SP140: variants seen among roughly 807,000 people sequenced by gnomAD.
The protein encoded by SP140 is nuclear body protein SP140.
In SP140, 81 loss-of-function variants were observed where a neutral mutation model predicts 125.0. That is an observed-to-expected ratio of 0.65 (90% CI 0.54 to 0.78). The LOEUF is 0.78. SP140 is among the 30% of genes least tolerant of loss of function. SP140 has a pLI of 0.00. For missense variants in SP140, 858 were observed against 1,037.0 expected, an observed-to-expected ratio of 0.83 and a Z score of 2.37; for synonymous variants, 312 against 354.0, an observed-to-expected ratio of 0.88 and a Z score of 1.33.
At position 230,270,834 on chromosome 2, in the gene SP140, T is replaced by A. The variant is rs923816066; in HGVS notation, c.1498+195T>A. 8 of 640,870 alleles carry A rather than the reference T, an allele frequency of 1.2e-5. No homozygotes were observed. In the African/African-American group the frequency reaches 1.3e-4, roughly 10 times the overall value. 39.7% of individuals were successfully genotyped at this position (640,870 alleles called of 1,614,324 possible). ...CTATCTTACATGACAAAAGGGACTT[T>A]ACAGATACAATTAAGCTAGAGACCT... On this transcript the variant is annotated intron_variant, in intron 15 of 26. Coordinates refer to ENST00000392045, the MANE Select transcript of SP140 (RefSeq NM_007237.5).
At chr2:230,189,013 T>C in the SP140 span, among the ~76,000 whole-genome samples, 5 of 152,298 alleles carry the variant, frequency 3.3e-5, no homozygotes, top group East Asian at 9.6e-4. Context: ...ATAGTAGTCC[T>C]GAATGATCTT....
intron 12 of SP140, among the ~76,000 whole-genome samples, chr2:230,265,413 C>G (rs1344584547): frequency 2.0e-5 from 3 of 152,198 alleles, no homozygotes; most frequent in Non-Finnish European, 4.4e-5. Flanking sequence ...GGTTCTTCCC[C>G]ACCTGTGGAG....
At chr2:230,216,960 C>G (rs201220034) in intron 3 of SP140, 1 of 1,604,368 alleles carries the variant, frequency 6.2e-7, no homozygotes, top group Non-Finnish European at 8.5e-7. Flanking sequence ...AAAATAGAAG[C>G]AAAGGCTGGG....
chr2:230,276,935 G>A (rs970633860), intron 15 of SP140, among the ~76,000 whole-genome samples: 2 of 152,170 alleles, frequency 1.3e-5, no homozygotes, highest in African/African-American at 4.8e-5. Context: ...CTGAAGATGT[G>A]ATTGAATTGC....
At chr2:230,199,128 CTATTATTAT>C (rs200457151), upstream of SP140, among the ~76,000 whole-genome samples, 3 of 140,286 alleles carry the variant, frequency 2.1e-5, no homozygotes, top group African/African-American at 8.3e-5. Context: ...GCTTTAGCTA[CTATTATTAT>C]TATTATTATT....
chr2:230,196,651 C>T, the SP140 span, among the ~76,000 whole-genome samples: 1 of 151,940 alleles, frequency 6.6e-6, no homozygotes, highest in Non-Finnish European at 1.5e-5. Context: ...ATTAACTCGT[C>T]ATTTAGCATT....
At chr2:230,291,703 A>G (rs2057134063) in intron 19 of SP140, among the ~76,000 whole-genome samples, 1 of 152,254 alleles carries the variant, frequency 6.6e-6, no homozygotes, top group African/African-American at 2.4e-5. Context: ...TATTATAAAT[A>G]ATGCTGTTCT....
intron 10 of SP140, among the ~76,000 whole-genome samples, chr2:230,252,739 G>A (rs188184032): frequency 1.2e-3 from 182 of 150,462 alleles, no homozygotes; most frequent in Non-Finnish European, 2.2e-3. Flanking sequence ...GGATATTATC[G>A]CAAAGGCAAA....
At chr2:230,233,484 C>G (rs2047546958) in intron 1 of SP140, among the ~76,000 whole-genome samples, 1 of 152,024 alleles carries the variant, frequency 6.6e-6, no homozygotes. Flanking sequence ...CTTTTTAGAA[C>G]AGTGCTTCTC....
chr2:230,193,414 C>T, the SP140 span, among the ~76,000 whole-genome samples: 5 of 152,104 alleles, frequency 3.3e-5, no homozygotes, highest in Admixed American at 2.0e-4. Flanking sequence ...TACCTACATA[C>T]GTTGTTTTCT....
chr2:230,235,877 T>TG (rs1279486133), intron 1 of SP140, among the ~76,000 whole-genome samples: 2 of 140,704 alleles, frequency 1.4e-5, no homozygotes, highest in African/African-American at 2.7e-5. Flanking sequence ...TGTTTTTTTT[T>TG]TTTTTTTTTT....
downstream of SP140, among the ~76,000 whole-genome samples, chr2:230,316,088 T>C (rs2059481938): frequency 6.6e-6 from 1 of 152,204 alleles, no homozygotes; most frequent in African/African-American, 2.4e-5. Context: ...CGTGTTACAA[T>C]ATAGCCTTTC....
intron 13 of SP140, 45 bp downstream of exon 13, chr2:230,269,663 T>C: frequency 7.9e-7 from 1 of 1,270,616 alleles, no homozygotes; most frequent in Admixed American, 2.2e-5. Context: ...AGAGTTCTGA[T>C]AAAGAGAAAA....
chr2:230,194,121 G>T, the SP140 span, among the ~76,000 whole-genome samples: 9 of 152,052 alleles, frequency 5.9e-5, no homozygotes, highest in Non-Finnish European at 1.3e-4. Context: ...CAAGATTGAG[G>T]CATGCTGGGA....
In SP140 at chr2:230,287,905, C is replaced by G. The variant is rs1376689398; in HGVS notation, c.1659C>G (p.Gly553=). 6.2e-6 allele frequency: 10 copies of G among 1,611,508 alleles called. No individual in the cohort carries two copies. The highest frequency in any genetic ancestry group is 3.3e-5 in the Admixed American group (2 of 59,768). Reference sequence around the variant, plus strand: ...CTACTTTCTCAGGGAGAAAGAGAGGCAAACCTGGAACCCGCTTCACTCAGA... The same window carrying G: ...CTACTTTCTCAGGGAGAAAGAGAGGGAAACCTGGAACCCGCTTCACTCAGA... The part of the protein sequence containing the change: ...DLSKIRGRKR[G]KPGTRFTQSD... The change falls in exon 18 of 27, where the codon GGC becomes GGG. Residue 553 remains glycine, a synonymous_variant. Transcript: ENST00000392045.
chr2:230,248,059 G>A lies in SP140; in HGVS notation c.886G>A (p.Asp296Asn), dbSNP rs779469029. ...GTACCAAGAGAGTCCAGAGGGAAGAGACAAAGGTAGGAACAGAAGAAGCAG... is the reference window on the plus strand; with the variant it reads ...GTACCAAGAGAGTCCAGAGGGAAGAAACAAAGGTAGGAACAGAAGAAGCAG... ...EKYQESPEGRDKETFDLKTPQ... is the reference protein window; with the variant it reads ...EKYQESPEGRNKETFDLKTPQ... The change falls in exon 8 of 27, where the codon GAC (aspartate) becomes AAC (asparagine). Residue 296 changes from aspartate (D) to asparagine (N), a missense_variant. Physicochemically the swap from Asp to Asn is conservative, Grantham distance 23. Coordinates refer to ENST00000392045, the MANE Select transcript of SP140 (RefSeq NM_007237.5). 11 of 1,613,224 alleles carry A rather than the reference G, an allele frequency of 6.8e-6. No homozygotes were observed. Among genetic ancestry groups the A allele is most frequent in the African/African-American group, 1.3e-5 (1 of 74,864 alleles).
At chr2:230,213,299 T>C (rs1163609125) in intron 1 of SP140, among the ~76,000 whole-genome samples, 2 of 152,258 alleles carry the variant, frequency 1.3e-5, no homozygotes, top group Non-Finnish European at 2.9e-5. Context: ...AGTTTGGGTT[T>C]GTACCCAGGG....
chr2:230,266,429 G>A (rs953651085), intron 12 of SP140, among the ~76,000 whole-genome samples: 6 of 152,236 alleles, frequency 3.9e-5, no homozygotes, highest in Admixed American at 1.3e-4. Flanking sequence ...CCCTTAGGCC[G>A]TATTTAAAAC....
At chr2:230,245,968 T>C (rs1344346309) in intron 7 of SP140, 28 bp downstream of exon 7, 2 of 1,409,796 alleles carry the variant, frequency 1.4e-6, no homozygotes, top group Non-Finnish European at 2.0e-6. Context: ...TAAAGCTTTA[T>C]TTTTCTGTCA....
Sources: gnomAD v4.1 joint callset for allele counts (sites outside exome capture counted in the v4.1 genomes callset) on GRCh38, gnomAD v4.1.1 for gene constraint, MANE v1.5 for transcripts, NCBI Gene and HGNC (gene_info 2026-07-23, HGNC 2026-07-21) for gene names.